SIPA1L1: variants seen among roughly 807,000 people sequenced by gnomAD.
SIPA1L1 encodes signal induced proliferation associated 1 like 1.
Under a neutral mutation model 162.7 loss-of-function variants are expected in SIPA1L1, and 26 were observed. The observed-to-expected ratio is 0.16, with a 90% CI of 0.12 to 0.22. SIPA1L1 has a LOEUF of 0.22. Ranked by LOEUF, SIPA1L1 falls within the 10% of genes least tolerant of loss-of-function variation. The pLI is 1.00. For synonymous variants in SIPA1L1, 829 were observed against 837.4 expected (o/e 0.99, Z 0.17); for missense variants, 1,874 against 2,241.0 (o/e 0.84, Z 3.31).
intron 2 of SIPA1L1, among the ~76,000 whole-genome samples, chr14:71,405,319 A>G (rs2041962360): frequency 1.3e-5 from 2 of 152,248 alleles, no homozygotes; most frequent in African/African-American, 2.4e-5. Context: ...GAAGGCATCA[A>G]AGATGGCCAG....
At chr14:71,631,466 A>G (rs1446768280) in intron 7 of SIPA1L1, among the ~76,000 whole-genome samples, 3 of 152,162 alleles carry the variant, frequency 2.0e-5, no homozygotes, top group Admixed American at 2.0e-4. Context: ...TACAAACAGT[A>G]CTGCAATGAA....
rs773955851 is a variant in SIPA1L1 at position 71,685,634 on chromosome 14, A to G, written c.3374+3A>G. On this transcript the variant is annotated splice_donor_region_variant and intron_variant, in intron 13 of 23. Transcript: ENST00000381232. ...GACGGGCGCCCACTAGAGAGGCGGT[A>G]AGTGTGCCTTCAAAGGTTTGCTCTA... is the stretch of plus-strand genomic sequence containing the variant. The G allele has an allele frequency of 3.1e-6, 5 of 1,613,702 alleles. No homozygotes were observed. In the East Asian group the frequency reaches 1.1e-4, roughly 36 times the overall value.
intron 12 of SIPA1L1, among the ~76,000 whole-genome samples, chr14:71,681,257 T>C (rs2045781136): frequency 6.6e-6 from 1 of 152,136 alleles, no homozygotes; most frequent in Admixed American, 6.5e-5. Context: ...CTGCAGTAGG[T>C]AGCCAGCATC....
chr14:71,386,323 C>T (rs919466488), intron 2 of SIPA1L1, among the ~76,000 whole-genome samples: 1 of 152,156 alleles, frequency 6.6e-6, no homozygotes, highest in Non-Finnish European at 1.5e-5. Context: ...GAGACTCAGC[C>T]AGTCTAGTTT....
chr14:71,537,879 A>G (rs2054046329), intron 4 of SIPA1L1, among the ~76,000 whole-genome samples: 1 of 152,166 alleles, frequency 6.6e-6, no homozygotes, highest in African/African-American at 2.4e-5. Context: ...CTGTTCCTTT[A>G]GCTGTTTCTG....
intron 7 of SIPA1L1, among the ~76,000 whole-genome samples, chr14:71,645,047 G>T (rs536318162): frequency 6.6e-6 from 1 of 152,274 alleles, no homozygotes; most frequent in Non-Finnish European, 1.5e-5. Context: ...CCTTTCCGGG[G>T]GCTCTAAGGG....
At position 71,638,576 on chromosome 14, in the gene SIPA1L1, T is replaced by A. The variant is rs568253090; in HGVS notation, c.1819-11759T>A. On this transcript the variant is annotated intron_variant, in intron 7 of 23. Transcript: ENST00000381232. ...AAACTTCTATAGCTTGCATTATTCTTAATGGTAAGAGACTGGAGAAAGGGA... is the reference window on the plus strand; with the variant it reads ...AAACTTCTATAGCTTGCATTATTCTAAATGGTAAGAGACTGGAGAAAGGGA... Among the ~76,000 whole-genome samples, 700 of 152,358 alleles carry A rather than the reference T, an allele frequency of 4.6e-3. 7 individuals carry two copies. The highest frequency in any genetic ancestry group is 0.016 in the African/African-American group (664 of 41,582).
chr14:71,622,498 C>T (rs983478721), intron 6 of SIPA1L1, among the ~76,000 whole-genome samples: 1 of 152,154 alleles, frequency 6.6e-6, no homozygotes, highest in African/African-American at 2.4e-5. Flanking sequence ...GTCTTGGCTT[C>T]TAAGTTGAGA....
intron 2 of SIPA1L1, among the ~76,000 whole-genome samples, chr14:71,402,768 G>A (rs558944927): frequency 2.6e-4 from 40 of 152,230 alleles, no homozygotes; most frequent in Non-Finnish European, 3.8e-4. Flanking sequence ...TGGCATATTG[G>A]AGACACTATC....
chr14:71,497,007 TA>T (rs947791785), intron 2 of SIPA1L1, among the ~76,000 whole-genome samples: 3 of 151,866 alleles, frequency 2.0e-5, no homozygotes, highest in Non-Finnish European at 2.9e-5. Flanking sequence ...CCACCTCTAC[TA>T]AAATACAGAA....
At chr14:71,634,402 C>CAA (rs78425751) in intron 7 of SIPA1L1, among the ~76,000 whole-genome samples, 35 of 81,308 alleles carry the variant, frequency 4.3e-4, no homozygotes, top group Admixed American at 1.1e-3. Context: ...AACTCCATTT[C>CAA]AAAAAAAAAA....
Position 71,589,092 on chromosome 14 carries a change from G to A in SIPA1L1, c.1220G>A (p.Ser407Asn). Residue 407 changes from serine to asparagine, a missense_variant, in exon 5 of 24, where the codon AGC becomes AAC. This residue lies in a region of SIPA1L1 where 685 missense variants were observed against 828.0 expected (regional missense o/e 0.83). Transcript: ENST00000381232. Reference protein sequence around the residue: ...SLSMDQGDDKSNELVMSCPYF... With the variant: ...SLSMDQGDDKNNELVMSCPYF... ...AGCATGGACCAGGGAGATGATAAAA[G>A]CAATGAGCTTGTAATGAGCTGTCCA... The A allele has an allele frequency of 1.9e-6, 3 of 1,614,134 alleles. No individual in the cohort carries two copies. Among genetic ancestry groups the A allele is most frequent in the Non-Finnish European group, 2.5e-6 (3 of 1,179,988 alleles).
chr14:71,323,659 A>G (rs2033426001), intron 2 of SIPA1L1, among the ~76,000 whole-genome samples: 1 of 152,156 alleles, frequency 6.6e-6, no homozygotes, highest in African/African-American at 2.4e-5. Context: ...GGATCAAATC[A>G]TGGAAGTTCA....
intron 2 of SIPA1L1, among the ~76,000 whole-genome samples, chr14:71,497,605 T>A (rs771259334): frequency 3.3e-5 from 5 of 152,198 alleles, no homozygotes; most frequent in African/African-American, 4.8e-5. Context: ...AGTGGAGCCA[T>A]ACAGTATATA....
intron 12 of SIPA1L1, among the ~76,000 whole-genome samples, chr14:71,674,559 TG>T (rs144169206): frequency 2.8e-4 from 42 of 148,474 alleles, no homozygotes; most frequent in African/African-American, 1.0e-3. Context: ...GTTTTTTTTT[TG>T]TTTTTTTTTG....
At chr14:71,418,997 G>T (rs2042987217) in intron 2 of SIPA1L1, among the ~76,000 whole-genome samples, 1 of 152,208 alleles carries the variant, frequency 6.6e-6, no homozygotes, top group Admixed American at 6.5e-5. Flanking sequence ...AAGGTCTTCA[G>T]TGAGTAGATG....
intron 4 of SIPA1L1, among the ~76,000 whole-genome samples, chr14:71,544,217 G>GCACATGCATGTA (rs1567181314): frequency 6.6e-6 from 1 of 151,058 alleles, no homozygotes; most frequent in Non-Finnish European, 1.5e-5. Flanking sequence ...ACATGCATGT[G>GCACATGCATGTA]TATATACATA....
At chr14:71,721,791 C>T (rs2083763531) in intron 17 of SIPA1L1, among the ~76,000 whole-genome samples, 1 of 152,166 alleles carries the variant, frequency 6.6e-6, no homozygotes, top group South Asian at 2.1e-4. Context: ...GTCATGTGCA[C>T]CCCAAGTCCA....
chr14:71,615,858 T>C (rs1368129292), intron 5 of SIPA1L1, among the ~76,000 whole-genome samples: 1 of 152,080 alleles, frequency 6.6e-6, no homozygotes, highest in Non-Finnish European at 1.5e-5. Flanking sequence ...TAGCCGGGCA[T>C]GATGGTGCAC....
Sources: allele counts gnomAD v4.1 joint callset (sites outside exome capture counted in the v4.1 genomes callset), GRCh38; gene constraint gnomAD v4.1.1; regional missense constraint gnomAD v4.1.1; transcripts MANE v1.5; gene names NCBI Gene and HGNC (gene_info 2026-07-23, HGNC 2026-07-21).